PDE1C: variants seen among roughly 807,000 people sequenced by gnomAD.
PDE1C encodes the protein dual specificity calcium/calmodulin-dependent 3',5'-cyclic nucleotide phosphodiesterase 1C.
A neutral mutation model predicts 93.1 loss-of-function variants in PDE1C; 62 were observed. The ratio of observed to expected loss-of-function variants is 0.67; its 90% CI spans 0.54 to 0.82. PDE1C has a LOEUF of 0.82. PDE1C is among the 40% of genes least tolerant of loss of function. The pLI is 0.00. For missense variants in PDE1C, 742 were observed against 884.6 expected (o/e 0.84, Z 2.04); for synonymous variants, 325 against 310.1 (o/e 1.05, Z -0.50).
At chr7:31,761,102 G>GGGTGAGGAAACTGAGGCCTAGAGA (rs756849102) in intron 17 of PDE1C, among the ~76,000 whole-genome samples, 8 of 151,568 alleles carry the variant, frequency 5.3e-5, no homozygotes, top group Admixed American at 2.0e-4. Context: ...CATGTATTTT[G>GGGTGAGGAAACTGAGGCCTAGAGA]GCTAAAGTAA....
chr7:31,973,249 T>A (rs1811205501), intron 2 of PDE1C, among the ~76,000 whole-genome samples: 1 of 152,146 alleles, frequency 6.6e-6, no homozygotes, highest in African/African-American at 2.4e-5. Flanking sequence ...GTCATATCAT[T>A]GGAATCTTAG....
At chr7:32,368,337 A>C (rs1246873421) in intron 1 of PDE1C, among the ~76,000 whole-genome samples, 1 of 152,192 alleles carries the variant, frequency 6.6e-6, no homozygotes, top group Non-Finnish European at 1.5e-5. Context: ...TACAGAAATC[A>C]GTGGTGTTTC....
chr7:31,619,006 T>G, the PDE1C span, among the ~76,000 whole-genome samples: 1 of 152,174 alleles, frequency 6.6e-6, no homozygotes, highest in Non-Finnish European at 1.5e-5. Flanking sequence ...CCCCTTACAT[T>G]GTGTCTGAGA....
At chr7:31,885,363 C>T (rs1459894032) in intron 2 of PDE1C, among the ~76,000 whole-genome samples, 1 of 152,206 alleles carries the variant, frequency 6.6e-6, no homozygotes, top group Non-Finnish European at 1.5e-5. Context: ...TTAGGAAGTG[C>T]TTATGCCTTC....
the PDE1C span, among the ~76,000 whole-genome samples, chr7:31,686,384 C>T: frequency 1.3e-5 from 2 of 152,204 alleles, no homozygotes; most frequent in Non-Finnish European, 2.9e-5. Context: ...GCTTAAACAT[C>T]CACTCTTGAG....
At chr7:32,404,967 C>T (rs1055929599) in intron 1 of PDE1C, among the ~76,000 whole-genome samples, 9 of 152,150 alleles carry the variant, frequency 5.9e-5, no homozygotes, top group Admixed American at 4.6e-4. Flanking sequence ...TGATTCCTTA[C>T]AGGTTTATAA....
chr7:32,382,831 C>T (rs184524287), intron 1 of PDE1C, among the ~76,000 whole-genome samples: 6 of 152,306 alleles, frequency 3.9e-5, no homozygotes, highest in East Asian at 1.9e-4. Context: ...CACGCGACTC[C>T]GACACCCGTG....
intron 3 of PDE1C, among the ~76,000 whole-genome samples, chr7:32,083,431 G>C (rs1186559779): frequency 1.3e-5 from 2 of 152,090 alleles, no homozygotes; most frequent in Non-Finnish European, 1.5e-5. Flanking sequence ...CACTCTGCAG[G>C]ATATTATCCA....
At chr7:31,857,532 A>G (rs12701151) in intron 7 of PDE1C, among the ~76,000 whole-genome samples, 39,971 of 152,082 alleles carry the variant, frequency 0.26, 5,647 homozygotes, top group Non-Finnish European at 0.32. Context: ...GCCATTTTAC[A>G]AGCATAAGGA....
intron 2 of PDE1C, among the ~76,000 whole-genome samples, chr7:31,911,027 T>C (rs1435590079): frequency 6.6e-6 from 1 of 152,180 alleles, no homozygotes; most frequent in Non-Finnish European, 1.5e-5. Flanking sequence ...GTAAGTCAAT[T>C]GCTTACATAT....
chr7:32,205,351 G>C (rs1322901694), intron 2 of PDE1C, among the ~76,000 whole-genome samples: 1 of 152,160 alleles, frequency 6.6e-6, no homozygotes, highest in East Asian at 1.9e-4. Context: ...GAATCTGGCT[G>C]GGCTTCTGGG....
At chr7:31,914,067 A>G (rs1448290484) in intron 2 of PDE1C, among the ~76,000 whole-genome samples, 1 of 152,222 alleles carries the variant, frequency 6.6e-6, no homozygotes, top group Non-Finnish European at 1.5e-5. Context: ...AAATATATAA[A>G]TTCACATAAA....
chr7:31,638,069 C>T, the PDE1C span, among the ~76,000 whole-genome samples: 1 of 152,226 alleles, frequency 6.6e-6, no homozygotes, highest in South Asian at 2.1e-4. Context: ...GGGCTCCCAC[C>T]AAAGTGTGCA....
chr7:31,965,239 T>A (rs193108256), intron 2 of PDE1C, among the ~76,000 whole-genome samples: 3 of 152,130 alleles, frequency 2.0e-5, no homozygotes, highest in East Asian at 1.9e-4. Flanking sequence ...CTAACTAGAA[T>A]AACCAATGCA....
chr7:32,000,384 G>C (rs1785304060), intron 2 of PDE1C, among the ~76,000 whole-genome samples: 1 of 152,212 alleles, frequency 6.6e-6, no homozygotes, highest in Non-Finnish European at 1.5e-5. Flanking sequence ...AGGGAAACAA[G>C]ATGGTTGGGG....
intron 11 of PDE1C, among the ~76,000 whole-genome samples, 154 bp from the exon 12 acceptor site, chr7:31,828,527 A>T (rs936058972): frequency 2.0e-5 from 3 of 152,214 alleles, no homozygotes; most frequent in African/African-American, 7.2e-5. Flanking sequence ...CTGCTTCTCT[A>T]CATAAAAGAC....
chr7:32,036,270 G>A (rs1390721779), intron 2 of PDE1C, among the ~76,000 whole-genome samples: 4 of 152,070 alleles, frequency 2.6e-5, no homozygotes, highest in East Asian at 1.9e-4. Context: ...TCCATCCTAC[G>A]GGTTTACTAG....
intron 2 of PDE1C, among the ~76,000 whole-genome samples, chr7:32,023,692 A>G (rs974975187): frequency 3.3e-5 from 5 of 152,160 alleles, no homozygotes; most frequent in African/African-American, 1.2e-4. Context: ...TTCCATTTAA[A>G]AAACATCTGT....
intron 9 of PDE1C, among the ~76,000 whole-genome samples, chr7:31,841,971 T>A (rs1115732): frequency 2.0e-5 from 3 of 151,892 alleles, no homozygotes; most frequent in Non-Finnish European, 2.9e-5. Context: ...CTTTTTGTTC[T>A]AGTTAGGCCT....
Sources: gnomAD v4.1 joint callset for allele counts (sites outside exome capture counted in the v4.1 genomes callset) on GRCh38, gnomAD v4.1.1 for gene constraint, MANE v1.5 for transcripts, NCBI Gene and HGNC (gene_info 2026-07-23, HGNC 2026-07-21) for gene names.